The following ARMH3 variants were observed in gnomAD, a reference collection of about 807,000 sequenced individuals.
ARMH3 encodes the protein armadillo like helical domain containing 3.
A neutral mutation model predicts 99.1 loss-of-function variants in ARMH3; 60 were observed. The ratio of observed to expected loss-of-function variants is 0.61; its 90% CI spans 0.49 to 0.75. The LOEUF is 0.75. Ranked by LOEUF, ARMH3 falls within the 30% of genes least tolerant of loss-of-function variation. The probability of loss-of-function intolerance (pLI) is 0.00; values close to 1 mark genes in which losing one functional copy is unlikely to be tolerated. For missense variants in ARMH3, 679 were observed against 843.1 expected (o/e 0.81, Z 2.41); for synonymous variants, 285 against 292.8 (o/e 0.97, Z 0.27).
chr10:101,985,641 G>T (rs2135978231), intron 19 of ARMH3, among the ~76,000 whole-genome samples: 1 of 152,044 alleles, frequency 6.6e-6, no homozygotes, highest in African/African-American at 2.4e-5. Flanking sequence ...TTGCACCCAG[G>T]AGTTCCAAGT....
chr10:102,008,570 T>C (rs1018807317), intron 13 of ARMH3, among the ~76,000 whole-genome samples: 1 of 152,018 alleles, frequency 6.6e-6, no homozygotes, highest in Admixed American at 6.6e-5. Flanking sequence ...TATTTTTTTT[T>C]GAGACAGAGT....
chr10:102,046,699 G>A (rs2067562143), intron 1 of ARMH3, among the ~76,000 whole-genome samples: 1 of 152,160 alleles, frequency 6.6e-6, no homozygotes, highest in Non-Finnish European at 1.5e-5. Context: ...ATAAGTGAGT[G>A]TAGGGACTCA....
intron 24 of ARMH3, among the ~76,000 whole-genome samples, chr10:101,876,694 T>C (rs2067275115): frequency 6.6e-6 from 1 of 152,188 alleles, no homozygotes; most frequent in African/African-American, 2.4e-5. Context: ...ACAAACCATG[T>C]TCTTCCAAGA....
intron 19 of ARMH3, among the ~76,000 whole-genome samples, chr10:101,987,347 GT>G (rs1846558031): frequency 6.6e-6 from 1 of 152,112 alleles, no homozygotes; most frequent in South Asian, 2.1e-4. Context: ...AATCCCTAGT[GT>G]TTCTTCATGA....
intron 1 of ARMH3, among the ~76,000 whole-genome samples, chr10:102,051,905 T>G (rs779665195): frequency 1.5e-4 from 23 of 152,240 alleles, no homozygotes; most frequent in Non-Finnish European, 2.6e-4. Flanking sequence ...CCTTTCAAAT[T>G]ATCCTACACA....
intron 14 of ARMH3, among the ~76,000 whole-genome samples, chr10:102,003,054 C>T (rs1438978608): frequency 6.6e-6 from 1 of 152,020 alleles, no homozygotes; most frequent in African/African-American, 2.4e-5. Context: ...GTTTTACATA[C>T]CTAGCTGATG....
intron 24 of ARMH3, among the ~76,000 whole-genome samples, chr10:101,866,568 T>A (rs1321468224): frequency 3.3e-5 from 5 of 152,146 alleles, no homozygotes; most frequent in African/African-American, 1.2e-4. Context: ...AAATCTTGCA[T>A]TTTTTGCAAA....
chr10:101,889,113 ACT>A (rs776186446), intron 24 of ARMH3, among the ~76,000 whole-genome samples: 4 of 151,922 alleles, frequency 2.6e-5, no homozygotes, highest in Non-Finnish European at 5.9e-5. Flanking sequence ...AATCAAAATG[ACT>A]CTCTGCCTAA....
chr10:101,856,083 TAAG>T (rs2066731765), intron 24 of ARMH3, among the ~76,000 whole-genome samples: 1 of 152,098 alleles, frequency 6.6e-6, no homozygotes, highest in African/African-American at 2.4e-5. Flanking sequence ...TTGCTTCTCC[TAAG>T]AAGTTTGGAA....
At chr10:101,962,610 A>T (rs561974023) in intron 20 of ARMH3, among the ~76,000 whole-genome samples, 90 of 152,336 alleles carry the variant, frequency 5.9e-4, no homozygotes, top group Non-Finnish European at 9.4e-4. Flanking sequence ...AATCCTCTTA[A>T]CTATCTGATG....
intron 20 of ARMH3, among the ~76,000 whole-genome samples, chr10:101,960,114 G>A (rs1845218004): frequency 6.6e-6 from 1 of 151,938 alleles, no homozygotes; most frequent in Admixed American, 6.6e-5. Context: ...GGAGGCGGAG[G>A]CTGCAGTGAG....
At chr10:101,926,127 G>C (rs982120815) in intron 23 of ARMH3, among the ~76,000 whole-genome samples, 10 of 152,290 alleles carry the variant, frequency 6.6e-5, no homozygotes, top group African/African-American at 2.4e-4. Context: ...AGGCCCAATA[G>C]AAAAGACGAG....
At chr10:102,027,386 T>C (rs571178130) in intron 5 of ARMH3, among the ~76,000 whole-genome samples, 50 of 151,672 alleles carry the variant, frequency 3.3e-4, no homozygotes, top group African/African-American at 1.2e-3. Flanking sequence ...ATGAGGAATA[T>C]GAACTGAGGT....
intron 24 of ARMH3, among the ~76,000 whole-genome samples, chr10:101,884,069 G>A (rs1452928485): frequency 3.3e-5 from 5 of 151,872 alleles, no homozygotes; most frequent in Non-Finnish European, 5.9e-5. Flanking sequence ...GGGACAAGCT[G>A]AAGACCAGAA....
chr10:101,994,973 T>C (rs776397222), intron 16 of ARMH3, among the ~76,000 whole-genome samples: 1 of 151,866 alleles, frequency 6.6e-6, no homozygotes, highest in African/African-American at 2.4e-5. Flanking sequence ...GAGGTGGAGG[T>C]TGCAGTGAGC....
intron 14 of ARMH3, among the ~76,000 whole-genome samples, chr10:102,004,899 A>T (rs528190310): frequency 4.3e-4 from 65 of 151,474 alleles, no homozygotes; most frequent in African/African-American, 1.6e-3. Context: ...GTGAAACCCC[A>T]TCTCTACTAA....
intron 20 of ARMH3, among the ~76,000 whole-genome samples, chr10:101,969,552 A>G (rs537848642): frequency 1.3e-5 from 2 of 152,376 alleles, no homozygotes; most frequent in Admixed American, 6.5e-5. Context: ...AAGAAGTCAT[A>G]GGCCTCTGCC....
chr10:102,046,512 C>T (rs2067556334), intron 1 of ARMH3, among the ~76,000 whole-genome samples: 1 of 152,008 alleles, frequency 6.6e-6, no homozygotes, highest in African/African-American at 2.4e-5. Flanking sequence ...ATTAGCCGGG[C>T]ATGGTAGCAC....
chr10:101,949,789 T>C (rs757176263), intron 22 of ARMH3, among the ~76,000 whole-genome samples: 2 of 152,084 alleles, frequency 1.3e-5, no homozygotes, highest in African/African-American at 2.4e-5. Flanking sequence ...TACAGACCAA[T>C]ATACCTCATG....
Sources: gnomAD v4.1 joint callset for allele counts (sites outside exome capture counted in the v4.1 genomes callset) on GRCh38, gnomAD v4.1.1 for gene constraint, MANE v1.5 for transcripts, NCBI Gene and HGNC (gene_info 2026-07-23, HGNC 2026-07-21) for gene names.